Variants in TRAK2 observed in about 807,000 individuals in gnomAD.
The protein encoded by TRAK2 is trafficking kinesin protein 2.
In TRAK2, 81 loss-of-function variants were observed where a neutral mutation model predicts 104.6. The observed-to-expected ratio is 0.77, with a 90% CI of 0.65 to 0.93. TRAK2 has a LOEUF of 0.93. Ranked by LOEUF, TRAK2 falls within the 40% of genes least tolerant of loss-of-function variation. The probability of loss-of-function intolerance (pLI) is 0.00; values close to 1 mark genes in which losing one functional copy is unlikely to be tolerated. For missense variants in TRAK2, 1,002 were observed against 1,089.0 expected (o/e 0.92, Z 1.12); for synonymous variants, 406 against 394.4 (o/e 1.03, Z -0.35).
At chr2:201,414,555 A>T (rs1009641171) in intron 2 of TRAK2, among the ~76,000 whole-genome samples, 1 of 152,346 alleles carries the variant, frequency 6.6e-6, no homozygotes, top group South Asian at 2.1e-4. Flanking sequence ...AGACATCCCT[A>T]TTCACCCAGA....
intron 1 of TRAK2, among the ~76,000 whole-genome samples, chr2:201,434,146 A>G (rs1324288260): frequency 6.6e-6 from 1 of 151,862 alleles, no homozygotes; most frequent in Non-Finnish European, 1.5e-5. Context: ...TTTAGTAGAG[A>G]CGGGGTTTCA....
At chr2:201,432,064 C>CTATT (rs1951846602) in intron 1 of TRAK2, among the ~76,000 whole-genome samples, 2 of 152,188 alleles carry the variant, frequency 1.3e-5, no homozygotes, top group Non-Finnish European at 2.9e-5. Flanking sequence ...CACCAAAGTA[C>CTATT]TATTTTATAA....
chr2:201,427,046 G>T (rs1951794836), intron 1 of TRAK2, among the ~76,000 whole-genome samples: 2 of 152,222 alleles, frequency 1.3e-5, no homozygotes. Context: ...TATAAGAAGG[G>T]TCAGACATGA....
intron 1 of TRAK2, among the ~76,000 whole-genome samples, chr2:201,450,259 A>G (rs1952016059): frequency 6.6e-6 from 1 of 151,970 alleles, no homozygotes; most frequent in Non-Finnish European, 1.5e-5. Flanking sequence ...TACTAAAAAC[A>G]CAAAAATTAG....
chr2:201,388,150 A>C (rs2540331), intron 12 of TRAK2, 149 bp from the exon 13 acceptor site: 227,583 of 792,784 alleles, frequency 0.29, 34,206 homozygotes, highest in Admixed American at 0.4. Flanking sequence ...AATAACAACA[A>C]ACCAAAATCA....
intron 1 of TRAK2, among the ~76,000 whole-genome samples, chr2:201,443,543 G>A (rs1951941845): frequency 6.6e-6 from 1 of 152,040 alleles, no homozygotes; most frequent in Admixed American, 6.5e-5. Context: ...CACTACCACA[G>A]ATTAAATTAT....
At chr2:201,384,064 A>C in intron 15 of TRAK2, 47 bp downstream of exon 15, 3 of 1,179,516 alleles carry the variant, frequency 2.5e-6, no homozygotes, top group Non-Finnish European at 2.5e-6. Context: ...TCATGAAAAT[A>C]TAGCTGAGGA....
At chr2:201,450,450 A>G (rs1952019703) in intron 1 of TRAK2, among the ~76,000 whole-genome samples, 1 of 151,994 alleles carries the variant, frequency 6.6e-6, no homozygotes, top group South Asian at 2.1e-4. Flanking sequence ...AATAACTGCT[A>G]GGATGATAAA....
intron 1 of TRAK2, among the ~76,000 whole-genome samples, chr2:201,426,517 A>G (rs1383156122): frequency 7.2e-5 from 11 of 152,160 alleles, no homozygotes; most frequent in African/African-American, 2.7e-4. Context: ...CCTCATCTCC[A>G]CTGGTCCATG....
intron 12 of TRAK2, among the ~76,000 whole-genome samples, chr2:201,388,496 C>T (rs1003301885): frequency 3.3e-5 from 5 of 152,106 alleles, no homozygotes; most frequent in African/African-American, 1.2e-4. Context: ...GTCACAGAAT[C>T]ACCCATCAAC....
At chr2:201,406,960 A>T (rs1023375139) in intron 3 of TRAK2, among the ~76,000 whole-genome samples, 2 of 152,198 alleles carry the variant, frequency 1.3e-5, no homozygotes, top group African/African-American at 4.8e-5. Context: ...CTACTTATGT[A>T]CCTAAGAACT....
chr2:201,400,886 C>T (rs920887739), intron 4 of TRAK2, 132 bp downstream of exon 4: 4 of 541,442 alleles, frequency 7.4e-6, no homozygotes, highest in Non-Finnish European at 1.3e-5. Flanking sequence ...TCAGTTGTTC[C>T]AGTAGCAACA....
At chr2:201,386,595 A>T (rs949702912) in intron 13 of TRAK2, 111 bp from the exon 14 acceptor site, 2 of 1,351,252 alleles carry the variant, frequency 1.5e-6, no homozygotes, top group Non-Finnish European at 2.0e-6. Context: ...CAATAAAACT[A>T]TTTATTTGGT....
intron 1 of TRAK2, among the ~76,000 whole-genome samples, chr2:201,432,123 G>A (rs1951847283): frequency 6.6e-6 from 1 of 152,042 alleles, no homozygotes. Flanking sequence ...ACAATCTACG[G>A]CCTACTCTCA....
intron 2 of TRAK2, among the ~76,000 whole-genome samples, chr2:201,416,860 A>T (rs373753164): frequency 6.6e-6 from 1 of 152,060 alleles, no homozygotes; most frequent in Admixed American, 6.6e-5. Flanking sequence ...AAAATAAAAA[A>T]AGTTTAAAAA....
At chr2:201,385,591 C>A (rs1293299706) in intron 14 of TRAK2, among the ~76,000 whole-genome samples, 1 of 152,090 alleles carries the variant, frequency 6.6e-6, no homozygotes, top group Non-Finnish European at 1.5e-5. Flanking sequence ...AGTGTAATAT[C>A]AAAAAATAGC....
chr2:201,439,261 G>A (rs929112328), intron 1 of TRAK2, among the ~76,000 whole-genome samples: 1 of 152,300 alleles, frequency 6.6e-6, no homozygotes, highest in African/African-American at 2.4e-5. Flanking sequence ...TCTCTCATGG[G>A]TATCAGTAAA....
chr2:201,433,956 A>G (rs1454462395), intron 1 of TRAK2, among the ~76,000 whole-genome samples: 1 of 151,088 alleles, frequency 6.6e-6, no homozygotes, highest in Non-Finnish European at 1.5e-5. Context: ...TGCCCTTCAT[A>G]ATCATTCTTT....
At chr2:201,398,436 T>A in intron 5 of TRAK2, 82 bp from the exon 6 acceptor site, 3 of 1,271,904 alleles carry the variant, frequency 2.4e-6, no homozygotes, top group Non-Finnish European at 3.3e-6. Context: ...ATGGAACAAT[T>A]ATTTTTCATC....
Sources: gnomAD v4.1 joint callset for allele counts (sites outside exome capture counted in the v4.1 genomes callset) on GRCh38, gnomAD v4.1.1 for gene constraint, MANE v1.5 for transcripts, NCBI Gene and HGNC (gene_info 2026-07-23, HGNC 2026-07-21) for gene names.